The following SLC23A2 variants were observed in gnomAD, a reference collection of about 807,000 sequenced individuals.
SLC23A2 encodes the protein Na(+)/L-ascorbic acid transporter 2.
SLC23A2 carries 36 observed loss-of-function variants against 73.3 expected under a neutral mutation model. The ratio of observed to expected loss-of-function variants is 0.49; its 90% CI spans 0.38 to 0.65. The LOEUF (loss-of-function observed/expected upper bound fraction) is 0.65. SLC23A2 is among the 30% of genes least tolerant of loss of function. The probability of loss-of-function intolerance (pLI) is 0.00; values close to 1 mark genes in which losing one functional copy is unlikely to be tolerated. For synonymous variants in SLC23A2, 343 were observed against 327.3 expected, an observed-to-expected ratio of 1.05 and a Z score of -0.52; for missense variants, 507 against 841.6, an observed-to-expected ratio of 0.60 and a Z score of 4.92.
chr20:5,008,898 C>A (rs1404172841), intron 1 of SLC23A2, among the ~76,000 whole-genome samples: 1 of 152,018 alleles, frequency 6.6e-6, no homozygotes, highest in Non-Finnish European at 1.5e-5. Flanking sequence ...AGTTTACATC[C>A]TCCCAGTTCC....
intron 2 of SLC23A2, among the ~76,000 whole-genome samples, chr20:4,957,493 T>C (rs924557960): frequency 4.1e-5 from 6 of 148,094 alleles, no homozygotes; most frequent in East Asian, 3.9e-4. Context: ...ATCAATACTC[T>C]AGAAATTTTA....
chr20:4,892,736 T>C (rs985649505), intron 6 of SLC23A2, among the ~76,000 whole-genome samples: 2 of 151,998 alleles, frequency 1.3e-5, no homozygotes, highest in East Asian at 3.9e-4. Flanking sequence ...TCAAACAATA[T>C]GACAGGGACA....
chr20:4,942,937 T>C (rs1022220040), intron 2 of SLC23A2, among the ~76,000 whole-genome samples: 3 of 152,018 alleles, frequency 2.0e-5, no homozygotes, highest in Non-Finnish European at 1.5e-5. Flanking sequence ...GTAAAATTCA[T>C]CTTTAAGGCT....
At chr20:4,900,997 T>A (rs1018605158) in intron 5 of SLC23A2, among the ~76,000 whole-genome samples, 2 of 152,212 alleles carry the variant, frequency 1.3e-5, no homozygotes, top group African/African-American at 4.8e-5. Flanking sequence ...CTTTATGTAC[T>A]CTGAATCGTC....
chr20:4,869,930 GGT>G lies in SLC23A2; in HGVS notation c.1224_1225del (p.Pro411HisfsTer18). The G allele has an allele frequency of 6.2e-7, 1 of 1,608,262 alleles. No homozygotes were observed. Among genetic ancestry groups the G allele is most frequent in the Admixed American group, 1.7e-5 (1 of 59,908 alleles). ...CCTGTTTATTGCGTGGATGGGGGGG[GGT>G]GGGGCACAGGACAGCCGTGCACAGG... On this transcript the variant is annotated frameshift_variant, in exon 12 of 17. Transcript: ENST00000338244. LOFTEE classifies it high-confidence loss of function.
intron 16 of SLC23A2, among the ~76,000 whole-genome samples, chr20:4,858,639 G>T (rs1409157755): frequency 6.6e-6 from 1 of 152,132 alleles, no homozygotes; most frequent in Non-Finnish European, 1.5e-5. Context: ...CTGCCAGTAT[G>T]TCCATGGCAG....
At position 4,853,383 on chromosome 20, in the gene SLC23A2, T is replaced by C. The variant is rs1206689555; in HGVS notation, c.*3589A>G. On this transcript the variant is annotated 3_prime_UTR_variant, in exon 17 of 17. Transcript: ENST00000338244. ...CTGGCCACTCCCATGGCATCCGTAT[T>C]ACTGAAGATGAGACTTGCCAACTTT... 6.5e-6 allele frequency: 1 copy of C among 152,700 alleles called. No homozygotes were observed. Among genetic ancestry groups the C allele is most frequent in the African/African-American group, 2.4e-5 (1 of 41,460 alleles). 9.5% of individuals were successfully genotyped at this position (152,700 alleles called of 1,614,324 possible).
intron 5 of SLC23A2, among the ~76,000 whole-genome samples, chr20:4,900,490 T>C (rs1007521346): frequency 2.6e-5 from 4 of 152,254 alleles, no homozygotes; most frequent in Non-Finnish European, 5.9e-5. Context: ...TAATATTTTA[T>C]ACAGAATTTT....
chr20:4,978,623 C>A (rs548676631), intron 1 of SLC23A2, among the ~76,000 whole-genome samples: 1 of 152,266 alleles, frequency 6.6e-6, no homozygotes, highest in East Asian at 1.9e-4. Context: ...AGAGTCTTAT[C>A]CCCAGTTGGA....
chr20:4,928,169 A>G (rs1932733032), intron 3 of SLC23A2, among the ~76,000 whole-genome samples: 1 of 152,102 alleles, frequency 6.6e-6, no homozygotes, highest in Non-Finnish European at 1.5e-5. Context: ...TCTCCCAAGT[A>G]GGTAGGACTA....
In SLC23A2 at chr20:4,988,481, T is replaced by C. The variant is rs1469595981; in HGVS notation, c.-282+12925A>G. Among the ~76,000 whole-genome samples the C allele has an allele frequency of 4.6e-5, 7 of 152,070 alleles. No individual in the cohort carries two copies. In the East Asian group the frequency reaches 1.4e-3, roughly 30 times the overall value. ...GGCTGGACACAGTGGCTCACACCTG[T>C]AATCCCAGCACTTTGGGGGGTTGAG... On this transcript the variant is annotated intron_variant, in intron 1 of 16. Coordinates refer to ENST00000338244, the MANE Select transcript of SLC23A2 (RefSeq NM_005116.6).
chr20:4,941,945 T>C (rs994828158), intron 2 of SLC23A2, among the ~76,000 whole-genome samples: 4 of 152,154 alleles, frequency 2.6e-5, no homozygotes, highest in Admixed American at 2.0e-4. Flanking sequence ...TTAACCAAAA[T>C]GTTGAGTGAT....
Position 4,862,613 on chromosome 20 carries a change from C to A in SLC23A2, c.1486+165G>T, listed in dbSNP as rs1488970739. Among the ~76,000 whole-genome samples the A allele has an allele frequency of 6.6e-6, 1 of 152,218 alleles. No homozygotes were observed. Among genetic ancestry groups the A allele is most frequent in the African/African-American group, 2.4e-5 (1 of 41,454 alleles). ...GTTGGTTCCATATTTAATATAAATTCAACTCAGAGAGTGATAAAAGTTTTC... is the reference window on the plus strand; with the variant it reads ...GTTGGTTCCATATTTAATATAAATTAAACTCAGAGAGTGATAAAAGTTTTC... On this transcript the variant is annotated intron_variant, in intron 14 of 16. Transcript: ENST00000338244. This position sits in a 1 kb window ranked among gnomAD's most constrained non-coding sequence, Gnocchi z 5.1.
intron 4 of SLC23A2, among the ~76,000 whole-genome samples, chr20:4,905,789 G>T (rs1269441026): frequency 1.3e-5 from 2 of 152,188 alleles, no homozygotes; most frequent in Non-Finnish European, 2.9e-5. Flanking sequence ...CAAGCTTTGG[G>T]AGCCACATGG....
chr20:4,920,269 G>C (rs1309529816), intron 3 of SLC23A2, among the ~76,000 whole-genome samples: 2 of 152,182 alleles, frequency 1.3e-5, no homozygotes, highest in African/African-American at 4.8e-5. Context: ...AAACTATAAT[G>C]AGAAACCTCT....
intron 2 of SLC23A2, among the ~76,000 whole-genome samples, chr20:4,964,345 T>C (rs1017865165): frequency 2.0e-5 from 3 of 152,176 alleles, no homozygotes; most frequent in African/African-American, 4.8e-5. Context: ...GCTCTAAAAA[T>C]ACACATAGCC....
At chr20:4,944,182 G>A (rs562366005) in intron 2 of SLC23A2, among the ~76,000 whole-genome samples, 3 of 152,266 alleles carry the variant, frequency 2.0e-5, no homozygotes, top group South Asian at 4.1e-4. Flanking sequence ...TTTTAAAAAT[G>A]TCCCCTCCTC....
In SLC23A2 at chr20:4,899,629, G is replaced by C; in HGVS notation, c.408C>G (p.Ala136=). ...DAMCVGYDQW[A]TSQLIGTIFF... is the part of the protein sequence containing the mutation. ...AAATGGTCCCAATGAGCTGGCTGGT[G>C]GCCCACTGGTCGTACCCCACACACA... Residue 136 remains alanine, a synonymous_variant, in exon 6 of 17, where the codon GCC becomes GCG. Coordinates refer to ENST00000338244, the MANE Select transcript of SLC23A2 (RefSeq NM_005116.6). This position sits in a 1 kb window ranked among gnomAD's most constrained non-coding sequence, Gnocchi z 4.9. 2.5e-6 allele frequency: 4 copies of C among 1,614,100 alleles called. No individual in the cohort carries two copies. The highest frequency in any genetic ancestry group is 3.4e-6 in the Non-Finnish European group (4 of 1,179,984).
rs112328673 is a variant in SLC23A2 at position 4,885,753 on chromosome 20, C to T, written c.571+68G>A. 3.3e-4 allele frequency: 362 copies of T among 1,113,578 alleles called. 2 individuals are homozygous for T. The African/African-American group carries it at 4.8e-3, about 15-fold the overall frequency. The allele number at this position is 1,113,578 out of a possible 1,614,324, so 69.0% of individuals were successfully genotyped here. A position where few individuals can be genotyped will look rare whatever the true frequency, so the allele number is the denominator to read the frequency against. On this transcript the variant is annotated intron_variant, in intron 7 of 16. Transcript: ENST00000338244. ...GGATTTAGCGCTGCTGAGGGCAGCA[C>T]GTCCAGGCCTCCCTTTACACCTGCA...
Sources: gnomAD v4.1 joint callset for allele counts (sites outside exome capture counted in the v4.1 genomes callset) on GRCh38, gnomAD v4.1.1 for gene constraint, Gnocchi (gnomAD v3.1) non-coding constraint, MANE v1.5 for transcripts, NCBI Gene and HGNC (gene_info 2026-07-23, HGNC 2026-07-21) for gene names.